ATXN1: variants seen among roughly 807,000 people sequenced by gnomAD.
ATXN1 encodes ataxin 1.
A neutral mutation model predicts 56.4 loss-of-function variants in ATXN1; 8 were observed. That is an observed-to-expected ratio of 0.14 (90% CI 0.08 to 0.26). The LOEUF (loss-of-function observed/expected upper bound fraction) is 0.26. ATXN1 is among the 10% of genes least tolerant of loss of function. ATXN1 has a pLI of 1.00. For synonymous variants in ATXN1, 514 were observed against 494.6 expected (o/e 1.04, Z -0.52); for missense variants, 987 against 1,106.5 (o/e 0.89, Z 1.53).
chr6:16,703,887 C>T (rs775463446), intron 2 of ATXN1, among the ~76,000 whole-genome samples: 4 of 152,156 alleles, frequency 2.6e-5, no homozygotes, highest in African/African-American at 7.2e-5. Flanking sequence ...GGTGTGATGG[C>T]GCACGCCTGT....
chr6:16,639,779 T>C (rs1763674082), intron 3 of ATXN1, among the ~76,000 whole-genome samples: 2 of 152,244 alleles, frequency 1.3e-5, no homozygotes, highest in African/African-American at 4.8e-5. Context: ...AATAGAAGAA[T>C]TATGTTCACC....
intron 4 of ATXN1, among the ~76,000 whole-genome samples, chr6:16,524,144 T>C (rs935721085): frequency 6.6e-6 from 1 of 152,156 alleles, no homozygotes; most frequent in African/African-American, 2.4e-5. Flanking sequence ...TTTTTCAGGA[T>C]GGCCCACCAG....
At chr6:16,486,370 A>G (rs1032413221) in intron 5 of ATXN1, among the ~76,000 whole-genome samples, 1 of 152,204 alleles carries the variant, frequency 6.6e-6, no homozygotes, top group Non-Finnish European at 1.5e-5. Context: ...CAAACTTGCA[A>G]AAGCCTCAAA....
intron 4 of ATXN1, among the ~76,000 whole-genome samples, chr6:16,531,276 C>T (rs966010329): frequency 1.3e-5 from 2 of 152,074 alleles, no homozygotes; most frequent in South Asian, 2.1e-4. Context: ...AAGTTTAGTA[C>T]GAATAGGAAA....
chr6:16,711,862 C>A (rs927255498), intron 2 of ATXN1, among the ~76,000 whole-genome samples: 3 of 152,150 alleles, frequency 2.0e-5, no homozygotes, highest in Non-Finnish European at 4.4e-5. Flanking sequence ...AAGCAATATG[C>A]CTGCCTTGGC....
intron 6 of ATXN1, among the ~76,000 whole-genome samples, chr6:16,424,469 T>TTA (rs1759107649): frequency 6.6e-6 from 1 of 152,184 alleles, no homozygotes; most frequent in Non-Finnish European, 1.5e-5. Flanking sequence ...GGCTATTTAA[T>TTA]AATAGTATCT....
chr6:16,567,324 T>A (rs1409494808), intron 4 of ATXN1, among the ~76,000 whole-genome samples: 1 of 152,166 alleles, frequency 6.6e-6, no homozygotes, highest in Non-Finnish European at 1.5e-5. Context: ...GTTTCTTGCA[T>A]GGGCTGCAGT....
chr6:16,735,444 G>A (rs1228437182), intron 2 of ATXN1, among the ~76,000 whole-genome samples: 1 of 152,074 alleles, frequency 6.6e-6, no homozygotes, highest in Non-Finnish European at 1.5e-5. Context: ...ACTTTTTTAA[G>A]AGCCACTCCG....
At chr6:16,608,061 T>C (rs900970858) in intron 3 of ATXN1, among the ~76,000 whole-genome samples, 1 of 152,236 alleles carries the variant, frequency 6.6e-6, no homozygotes, top group African/African-American at 2.4e-5. Flanking sequence ...GAAATTGCTA[T>C]GTGCTGAATG....
chr6:16,726,992 A>G (rs1478744194), intron 2 of ATXN1, among the ~76,000 whole-genome samples: 1 of 152,236 alleles, frequency 6.6e-6, no homozygotes, highest in Non-Finnish European at 1.5e-5. Context: ...CAAATATTAC[A>G]AAAGCTATTT....
intron 7 of ATXN1, among the ~76,000 whole-genome samples, chr6:16,309,757 G>C (rs1760345368): frequency 6.6e-6 from 1 of 152,084 alleles, no homozygotes; most frequent in Admixed American, 6.5e-5. Flanking sequence ...GAACAGGCTG[G>C]GTGTGGTGGC....
At chr6:16,321,627 G>C (rs1033152216) in intron 7 of ATXN1, among the ~76,000 whole-genome samples, 3 of 152,214 alleles carry the variant, frequency 2.0e-5, no homozygotes, top group Non-Finnish European at 4.4e-5. Context: ...CTCCTACATT[G>C]CCTCGTCTGG....
chr6:16,342,838 C>T (rs562940221), intron 6 of ATXN1, among the ~76,000 whole-genome samples: 41 of 152,242 alleles, frequency 2.7e-4, no homozygotes, highest in African/African-American at 8.9e-4. Context: ...TTGGAGAGAG[C>T]GTAGAACAGG....
At chr6:16,517,314 G>C (rs1223263098) in intron 5 of ATXN1, among the ~76,000 whole-genome samples, 1 of 152,202 alleles carries the variant, frequency 6.6e-6, no homozygotes, top group Admixed American at 6.5e-5. Context: ...GAGAAAAAAA[G>C]CTATGGAGTC....
At chr6:16,553,608 T>C (rs762867912) in intron 4 of ATXN1, among the ~76,000 whole-genome samples, 6 of 152,200 alleles carry the variant, frequency 3.9e-5, no homozygotes, top group Admixed American at 1.3e-4. Flanking sequence ...TGGCAGACTC[T>C]CAAAAATATC....
chr6:16,748,110 T>A (rs1465484748), intron 2 of ATXN1, among the ~76,000 whole-genome samples: 1 of 152,210 alleles, frequency 6.6e-6, no homozygotes, highest in Non-Finnish European at 1.5e-5. Context: ...CTGAAACGGA[T>A]AAGCAAATTG....
At chr6:16,619,890 A>AG (rs1763287204) in intron 3 of ATXN1, among the ~76,000 whole-genome samples, 1 of 151,056 alleles carries the variant, frequency 6.6e-6, no homozygotes, top group Non-Finnish European at 1.5e-5. Flanking sequence ...GGGAAAAAAA[A>AG]AAAGAAAAAA....
At chr6:16,318,673 T>C (rs1760570874) in intron 7 of ATXN1, among the ~76,000 whole-genome samples, 2 of 152,224 alleles carry the variant, frequency 1.3e-5, no homozygotes, top group Non-Finnish European at 2.9e-5. Flanking sequence ...GTGGAAGTGT[T>C]TCAGGGTTGT....
intron 2 of ATXN1, among the ~76,000 whole-genome samples, chr6:16,717,374 G>C (rs947756136): frequency 6.6e-6 from 1 of 152,240 alleles, no homozygotes; most frequent in Non-Finnish European, 1.5e-5. Flanking sequence ...CAGAGAGGCA[G>C]GCTATGTTTG....
Sources: gnomAD v4.1 joint callset for allele counts (sites outside exome capture counted in the v4.1 genomes callset) on GRCh38, gnomAD v4.1.1 for gene constraint, MANE v1.5 for transcripts, NCBI Gene and HGNC (gene_info 2026-07-23, HGNC 2026-07-21) for gene names.